FHIT: variants seen among roughly 807,000 people sequenced by gnomAD.
FHIT encodes fragile histidine triad diadenosine triphosphatase.
Under a neutral mutation model 17.9 loss-of-function variants are expected in FHIT, and 19 were observed. The observed-to-expected ratio is 1.06, with a 90% confidence interval of 0.74 to 1.56. The LOEUF (loss-of-function observed/expected upper bound fraction) is 1.56. FHIT is among the 40% of genes most tolerant of loss of function. The pLI is 0.00. For missense variants in FHIT, 248 were observed against 189.2 expected, an observed-to-expected ratio of 1.31 and a Z score of -1.82; for synonymous variants, 81 against 69.7, an observed-to-expected ratio of 1.16 and a Z score of -0.81.
chr3:59,798,093 T>C (rs1699851236), intron 8 of FHIT, among the ~76,000 whole-genome samples: 1 of 152,186 alleles, frequency 6.6e-6, no homozygotes, highest in African/African-American at 2.4e-5. Flanking sequence ...AGAGCCACCC[T>C]ACTGGGAAAC....
chr3:59,869,653 T>G (rs2106895232), intron 8 of FHIT, among the ~76,000 whole-genome samples: 1 of 151,208 alleles, frequency 6.6e-6, no homozygotes, highest in East Asian at 2.0e-4. Context: ...AGCTAATTTT[T>G]TTTTTTTTTG....
intron 4 of FHIT, among the ~76,000 whole-genome samples, chr3:60,672,762 C>CT (rs2040535493): frequency 6.6e-6 from 1 of 151,384 alleles, no homozygotes; most frequent in East Asian, 1.9e-4. Flanking sequence ...TTTATGCCAT[C>CT]TTTTTTTGTT....
At chr3:60,955,611 T>TATATATATATACATATATATATAC (rs1709096132) in intron 3 of FHIT, among the ~76,000 whole-genome samples, 3 of 16,896 alleles carry the variant, frequency 1.8e-4, no homozygotes, top group Non-Finnish European at 5.1e-4. Context: ...TATATATATA[T>TATATATATATACATATATATATAC]ATATATATAT....
intron 8 of FHIT, among the ~76,000 whole-genome samples, chr3:59,845,412 A>G (rs1213022251): frequency 2.0e-5 from 3 of 152,060 alleles, no homozygotes; most frequent in Non-Finnish European, 2.9e-5. Flanking sequence ...AAGTATTTGT[A>G]GCTATAAAAT....
intron 4 of FHIT, among the ~76,000 whole-genome samples, chr3:60,735,805 A>G (rs971187756): frequency 1.3e-5 from 2 of 152,224 alleles, no homozygotes; most frequent in Admixed American, 6.5e-5. Context: ...GTAAATAAAG[A>G]AGTTAAGACT....
intron 3 of FHIT, among the ~76,000 whole-genome samples, chr3:61,039,804 A>G (rs565031882): frequency 4.6e-5 from 7 of 152,326 alleles, no homozygotes; most frequent in East Asian, 3.9e-4. Context: ...TACCTATGTA[A>G]CAAACCTGCA....
At chr3:60,191,131 G>C (rs1420058216) in intron 5 of FHIT, among the ~76,000 whole-genome samples, 1 of 151,908 alleles carries the variant, frequency 6.6e-6, no homozygotes, top group African/African-American at 2.4e-5. Context: ...AAAAACAATG[G>C]TTCCTTTCTC....
intron 4 of FHIT, among the ~76,000 whole-genome samples, chr3:60,812,112 C>G (rs1397334998): frequency 2.0e-5 from 3 of 151,660 alleles, no homozygotes; most frequent in Non-Finnish European, 2.9e-5. Context: ...ACATGGAGAT[C>G]TGGAAAAGTT....
intron 5 of FHIT, among the ~76,000 whole-genome samples, chr3:60,523,002 G>A (rs539040369): frequency 2.1e-4 from 32 of 152,190 alleles, no homozygotes; most frequent in South Asian, 1.0e-3. Context: ...CATCTTACAC[G>A]GCAGCAGGCA....
rs188411649 is a variant in FHIT, at chr3:60,462,856, C to A, written c.103+74004G>T. 1.0e-3 allele frequency among the ~76,000 whole-genome samples: 156 copies of A among 152,324 alleles called. 1 individual carries two copies. Among genetic ancestry groups the A allele is most frequent in the African/African-American group, 3.6e-3 (148 of 41,572 alleles). On this transcript the variant is annotated intron_variant, in intron 5 of 9. Transcript: ENST00000492590. ...AAAGACTTTTCTGGCTGTATCTACACAGTCATGGCACAGTCCTCCCAATAG... is the reference window on the plus strand; with the variant it reads ...AAAGACTTTTCTGGCTGTATCTACAAAGTCATGGCACAGTCCTCCCAATAG...
intron 5 of FHIT, among the ~76,000 whole-genome samples, chr3:60,460,013 A>C (rs1057217813): frequency 6.6e-6 from 1 of 152,148 alleles, no homozygotes; most frequent in Non-Finnish European, 1.5e-5. Flanking sequence ...AGTCCTGTAA[A>C]ATAGCCAAAG....
chr3:61,023,086 A>C (rs988488100), intron 3 of FHIT, among the ~76,000 whole-genome samples: 1 of 152,242 alleles, frequency 6.6e-6, no homozygotes, highest in African/African-American at 2.4e-5. Flanking sequence ...GTGCATATCT[A>C]GAAAACCCCA....
At chr3:60,640,038 A>G (rs1248474132) in intron 4 of FHIT, among the ~76,000 whole-genome samples, 1 of 152,220 alleles carries the variant, frequency 6.6e-6, no homozygotes, top group Non-Finnish European at 1.5e-5. Flanking sequence ...AAGGGAGTTC[A>G]TATTATGGGT....
intron 1 of FHIT, among the ~76,000 whole-genome samples, chr3:61,245,869 G>A (rs2040476437): frequency 6.6e-6 from 1 of 152,136 alleles, no homozygotes; most frequent in African/African-American, 2.4e-5. Context: ...CTTCAATAGG[G>A]GCTGAGTAAA....
At chr3:60,827,740 G>C (rs547972895) in intron 3 of FHIT, among the ~76,000 whole-genome samples, 19 of 152,356 alleles carry the variant, frequency 1.2e-4, no homozygotes, top group African/African-American at 4.6e-4. Context: ...CACTAAAATG[G>C]GATGGGTGAT....
chr3:61,164,294 T>C (rs6807748), intron 2 of FHIT, among the ~76,000 whole-genome samples: 70,730 of 152,024 alleles, frequency 0.47, 17,321 homozygotes, highest in East Asian at 0.87. Flanking sequence ...ACAAAAAGCA[T>C]GGTATAGAAG....
At chr3:61,008,243 C>T (rs4129352) in intron 3 of FHIT, among the ~76,000 whole-genome samples, 6,079 of 152,276 alleles carry the variant, frequency 0.04, 193 homozygotes, top group African/African-American at 0.085. Flanking sequence ...GTACTGTCCA[C>T]AGTGTTTTAT....
intron 4 of FHIT, among the ~76,000 whole-genome samples, chr3:60,807,859 A>AT (rs1559738539): frequency 5.9e-5 from 9 of 151,578 alleles, no homozygotes; most frequent in Non-Finnish European, 1.0e-4. Flanking sequence ...ATAAAATAAA[A>AT]AAAGGAAAAA....
intron 5 of FHIT, among the ~76,000 whole-genome samples, chr3:60,058,767 T>G (rs1702187403): frequency 6.6e-6 from 1 of 152,172 alleles, no homozygotes; most frequent in African/African-American, 2.4e-5. Flanking sequence ...TGAGGATGTT[T>G]TCAGGGCCAA....
Sources: gnomAD v4.1 joint callset for allele counts (sites outside exome capture counted in the v4.1 genomes callset) on GRCh38, gnomAD v4.1.1 for gene constraint, MANE v1.5 for transcripts, NCBI Gene and HGNC (gene_info 2026-07-23, HGNC 2026-07-21) for gene names.